MLC1: variants seen among roughly 807,000 people sequenced by gnomAD.
MLC1 encodes modulator of VRAC current 1, also known as membrane protein MLC1.
Under a neutral mutation model 44.7 loss-of-function variants are expected in MLC1, and 32 were observed. That is an observed-to-expected ratio of 0.72 (90% CI 0.54 to 0.96). MLC1 has a LOEUF of 0.96. Ranked by LOEUF, MLC1 falls within the 40% of genes least tolerant of loss-of-function variation. The pLI, the probability that MLC1 is intolerant of heterozygous loss-of-function variation, is 0.00. For missense variants in MLC1, 459 were observed against 492.2 expected (o/e 0.93, Z 0.64); for synonymous variants, 190 against 213.0 (o/e 0.89, Z 0.94).
chr22:50,066,866 G>GA (rs959161791), intron 10 of MLC1, among the ~76,000 whole-genome samples: 1 of 150,048 alleles, frequency 6.7e-6, no homozygotes, highest in Non-Finnish European at 1.5e-5. Flanking sequence ...ATTTTAAAAA[G>GA]AAAAAAAGCA....
intron 8 of MLC1, chr22:50,072,775 C>T (rs754120786): frequency 6.6e-6 from 1 of 152,440 alleles, no homozygotes; most frequent in Non-Finnish European, 1.5e-5. Flanking sequence ...GTCACAGACC[C>T]GCTTGGGTGG....
chr22:50,067,904 C>T (rs1032137175), intron 10 of MLC1, among the ~76,000 whole-genome samples: 4 of 150,748 alleles, frequency 2.7e-5, no homozygotes, highest in Admixed American at 1.3e-4. Flanking sequence ...GAGCAAACAG[C>T]TTAATACAGG....
intron 9 of MLC1, among the ~76,000 whole-genome samples, chr22:50,068,762 G>T (rs532560943): frequency 1.6e-5 from 2 of 128,940 alleles, no homozygotes; most frequent in East Asian, 4.3e-4. Flanking sequence ...AAGTCTCGCT[G>T]TGTCGCCAGG....
At chr22:50,071,029 C>T (rs1306968290) in intron 8 of MLC1, among the ~76,000 whole-genome samples, 3 of 152,150 alleles carry the variant, frequency 2.0e-5, no homozygotes, top group Admixed American at 6.5e-5. Context: ...CACGTGGGGC[C>T]GATGTGGTCC....
intron 10 of MLC1, among the ~76,000 whole-genome samples, chr22:50,064,468 C>A (rs374037072): frequency 2.4e-4 from 37 of 152,352 alleles, no homozygotes; most frequent in South Asian, 6.2e-4. Flanking sequence ...GTGGACAGTG[C>A]TGGCTGCTAG....
Position 50,080,016 on chromosome 22 carries a change from GA to G in MLC1, c.324del (p.Asn110ThrfsTer12), listed in dbSNP as rs786204747. ...FTVSRRNANVIPNFQILFVST... is the reference protein window; with the variant it reads ...FTVSRRNANVXPNFQILFVST... Reference sequence around the variant, plus strand: ...GAAACAAACAATATCTGAAAGTTGGGAATCTGAAAAACAAGGCAGGAGGGGT... The same window carrying G: ...GAAACAAACAATATCTGAAAGTTGGGATCTGAAAAACAAGGCAGGAGGGGT... On this transcript the variant is annotated frameshift_variant and splice_region_variant, in exon 5 of 12. Coordinates refer to ENST00000311597, the MANE Select transcript of MLC1 (RefSeq NM_015166.4). LOFTEE classifies it high-confidence loss of function. 4 of 1,612,284 alleles carry G rather than the reference GA, an allele frequency of 2.5e-6. No homozygotes were observed. Among genetic ancestry groups the G allele is most frequent in the Non-Finnish European group, 3.4e-6 (4 of 1,178,418 alleles).
At chr22:50,076,734 G>T in intron 7 of MLC1, 107 bp downstream of exon 7, 1 of 1,200,472 alleles carries the variant, frequency 8.3e-7, no homozygotes, top group Non-Finnish European at 1.2e-6. Flanking sequence ...ATGCGGTGTA[G>T]ACAGCCAACT....
chr22:50,085,062 G>A (rs2062248126), intron 1 of MLC1, 101 bp from the exon 2 acceptor site: 2 of 1,463,340 alleles, frequency 1.4e-6, no homozygotes, highest in Non-Finnish European at 1.8e-6. Context: ...TCATACTGAA[G>A]TGCTCTAAAT....
Position 50,059,933 on chromosome 22 carries a change from T to C in MLC1, c.*1650A>G, listed in dbSNP as rs1183243724. 2.6e-5 allele frequency: 4 copies of C among 152,330 alleles called. No homozygotes were observed. Among genetic ancestry groups the C allele is most frequent in the African/African-American group, 9.6e-5 (4 of 41,464 alleles). The allele number at this position is 152,330 out of a possible 1,614,324, so 9.4% of individuals were successfully genotyped here. On this transcript the variant is annotated 3_prime_UTR_variant, in exon 12 of 12. Transcript: ENST00000311597. ...TTGTCATGAACACCATGAAGGTATC[T>C]TGGCAGCCAGAGTCACTCCTGTTCC...
chr22:50,061,726 C>T, intron 11 of MLC1, 69 bp from the exon 12 acceptor site: 1 of 1,428,108 alleles, frequency 7.0e-7, no homozygotes, highest in Non-Finnish European at 9.8e-7. Context: ...GGACACGCCA[C>T]TCGGCCACAG....
chr22:50,082,028 T>A (rs1444391488), intron 3 of MLC1, among the ~76,000 whole-genome samples: 2 of 152,234 alleles, frequency 1.3e-5, no homozygotes, highest in African/African-American at 4.8e-5. Flanking sequence ...GCATCCACTT[T>A]GTTTTTAAGA....
chr22:50,063,781 C>A (rs4364111), intron 11 of MLC1, among the ~76,000 whole-genome samples: 1,345 of 12,480 alleles, frequency 0.11, no homozygotes, highest in Middle Eastern at 0.25. Context: ...CTGGCTGGGC[C>A]CCCCATGGGC....
At position 50,061,542 on chromosome 22, in the gene MLC1, G is replaced by T; in HGVS notation, c.*41C>A. ...AGGGGTTGTGCGTTTCCATGCTTGG[G>T]GCCAGGCTGGGCGCTGCCACCCGGT... is the stretch of plus-strand genomic sequence containing the variant. On this transcript the variant is annotated 3_prime_UTR_variant, in exon 12 of 12. Coordinates refer to ENST00000311597, the MANE Select transcript of MLC1 (RefSeq NM_015166.4). The T allele has an allele frequency of 6.3e-7, 1 of 1,588,920 alleles. No individual in the cohort carries two copies. The highest frequency in any genetic ancestry group is 8.6e-7 in the Non-Finnish European group (1 of 1,158,998).
chr22:50,064,176 A>G lies in MLC1; in HGVS notation c.917T>C (p.Leu306Pro), dbSNP rs768711345. 1.2e-6 allele frequency: 2 copies of G among 1,603,008 alleles called. No individual in the cohort carries two copies. The stretch of plus-strand genomic sequence containing the variant: ...CAGCAGGAGCACTAGCAGCAGCAGC[A>G]GCAGCAGCACATCGTAGGATGGCTG... The part of the protein sequence containing the change: ...AIKPSYDVLL[L>P]LLLLVLLLQA... Residue 306 changes from leucine to proline, a missense_variant, in exon 11 of 12, where the codon CTG becomes CCG. Coordinates refer to ENST00000311597, the MANE Select transcript of MLC1 (RefSeq NM_015166.4).
chr22:50,081,010 A>AAAGAAAGAAAGAAAGAAAG (rs1569250778), intron 3 of MLC1, among the ~76,000 whole-genome samples: 1 of 51,374 alleles, frequency 1.9e-5, no homozygotes, highest in Non-Finnish European at 3.7e-5. Flanking sequence ...TGTCTCAAAA[A>AAAGAAAGAAAGAAAGAAAG]AAGAAAGAAA....
At chr22:50,081,954 C>T (rs549840614) in intron 3 of MLC1, among the ~76,000 whole-genome samples, 94 of 152,370 alleles carry the variant, frequency 6.2e-4, no homozygotes, top group African/African-American at 2.2e-3. Context: ...CAGAGTGGGA[C>T]GGGTCACCTG....
At chr22:50,071,538 G>T (rs1286814987) in intron 8 of MLC1, among the ~76,000 whole-genome samples, 1 of 152,188 alleles carries the variant, frequency 6.6e-6, no homozygotes, top group Non-Finnish European at 1.5e-5. Context: ...GCTTCTGGGG[G>T]GTGCAGCCCA....
chr22:50,068,852 G>A (rs1297659789), intron 9 of MLC1, among the ~76,000 whole-genome samples: 26 of 149,094 alleles, frequency 1.7e-4, no homozygotes, highest in African/African-American at 3.5e-4. Flanking sequence ...TCAGCCTCCC[G>A]AGTAGCTGGG....
intron 2 of MLC1, 111 bp downstream of exon 2, chr22:50,084,615 A>G: frequency 8.8e-7 from 1 of 1,140,236 alleles, no homozygotes; most frequent in South Asian, 1.2e-5. Context: ...CAGCAGGGTT[A>G]GTCTGAGAGT....
Sources: gnomAD v4.1 joint callset for allele counts (sites outside exome capture counted in the v4.1 genomes callset) on GRCh38, gnomAD v4.1.1 for gene constraint, MANE v1.5 for transcripts, NCBI Gene and HGNC (gene_info 2026-07-23, HGNC 2026-07-21) for gene names.